Variants in SPINT2 observed in about 807,000 individuals in gnomAD.
The protein encoded by SPINT2 is serine peptidase inhibitor, Kunitz type 2, also known as kunitz-type protease inhibitor 2.
A neutral mutation model predicts 30.1 loss-of-function variants in SPINT2; 18 were observed. The observed-to-expected ratio is 0.60, with a 90% CI of 0.41 to 0.89. The LOEUF is 0.89. Ranked by LOEUF, SPINT2 falls within the 40% of genes least tolerant of loss-of-function variation. SPINT2 has a pLI of 0.00. For synonymous variants in SPINT2, 139 were observed against 137.9 expected (o/e 1.01, Z -0.05); for missense variants, 276 against 334.3 (o/e 0.83, Z 1.36).
chr19:38,289,622 A>G (rs904750922), intron 4 of SPINT2: 4 of 246,770 alleles, frequency 1.6e-5, no homozygotes, highest in African/African-American at 9.2e-5. Flanking sequence ...TCCCCTCCCC[A>G]GGTGGTGGCA....
rs1312948326 is a variant in SPINT2, at chr19:38,283,677, A to G, written c.157A>G (p.Arg53Gly). The G allele has an allele frequency of 3.1e-6, 5 of 1,614,090 alleles. No individual in the cohort carries two copies. Among genetic ancestry groups the G allele is most frequent in the Non-Finnish European group, 3.4e-6 (4 of 1,180,026 alleles). ...VVGRCRASMPRWWYNVTDGSC... is the reference protein window; with the variant it reads ...VVGRCRASMPGWWYNVTDGSC... ...GGGCAGATGCCGGGCCTCCATGCCT[A>G]GGTGGTGGTACAATGTCACTGACGG... The change falls in exon 2 of 7, where the codon AGG becomes GGG. Residue 53 changes from arginine to glycine, a missense_variant. Transcript: ENST00000301244.
At position 38,273,722 on chromosome 19, in the gene SPINT2, C is replaced by T. The variant is rs560963719; in HGVS notation, c.106+8724C>T. Among the ~76,000 whole-genome samples the T allele has an allele frequency of 1.2e-4, 18 of 152,298 alleles. No individual in the cohort carries two copies. In the South Asian group the frequency reaches 3.7e-3, roughly 32 times the overall value. The stretch of plus-strand genomic sequence containing the variant: ...GACCCGTGTGGTGGTTTGCCATTGT[C>T]TTCCTCCAGGTGAAGATAAGACATC... On this transcript the variant is annotated intron_variant, in intron 1 of 6. Coordinates refer to ENST00000301244, the MANE Select transcript of SPINT2 (RefSeq NM_021102.4).
chr19:38,284,929 T>C (rs1968624088), intron 2 of SPINT2, among the ~76,000 whole-genome samples: 1 of 152,084 alleles, frequency 6.6e-6, no homozygotes, highest in African/African-American at 2.4e-5. Context: ...TTGGCCAAGC[T>C]GGTCTTGAAC....
In SPINT2 at chr19:38,291,934, G is replaced by A. The variant is rs770968777; in HGVS notation, c.687G>A (p.Glu229=). 1.2e-6 allele frequency: 2 copies of A among 1,614,168 alleles called. No homozygotes were observed. The highest frequency in any genetic ancestry group is 1.7e-6 in the Non-Finnish European group (2 of 1,180,022). Residue 229 remains glutamate, a synonymous_variant, in exon 7 of 7, where the codon GAG becomes GAA. Transcript: ENST00000301244. ...TCCGGGTGGCACGGAGGAACCAGGA[G>A]CGTGCCCTGCGCACCGTCTGGAGCT... ...YLIRVARRNQ[E]RALRTVWSSG...
Position 38,264,845 on chromosome 19 carries a change from G to A in SPINT2, c.-48G>A. On this transcript the variant is annotated 5_prime_UTR_variant, in exon 1 of 7. Transcript: ENST00000301244. ...AGGGGCTTCCCGCACCTGATCGCGA[G>A]ACCCCAACGGCTGGTGGCGTCGCCT... 1 of 1,519,630 alleles carries A rather than the reference G, an allele frequency of 6.6e-7. No individual in the cohort carries two copies. The highest frequency in any genetic ancestry group is 8.8e-7 in the Non-Finnish European group (1 of 1,134,664). 94.1% of individuals were successfully genotyped at this position (1,519,630 alleles called of 1,614,324 possible).
chr19:38,265,349 C>T (rs1968365622), intron 1 of SPINT2: 3 of 193,788 alleles, frequency 1.5e-5, no homozygotes, highest in African/African-American at 7.1e-5. Flanking sequence ...GTTCCATGGC[C>T]AAAGCTCAGG....
chr19:38,265,264 T>C (rs1004987080), intron 1 of SPINT2: 37 of 340,924 alleles, frequency 1.1e-4, no homozygotes, highest in Non-Finnish European at 1.9e-4. Context: ...CAAGAAGGCG[T>C]GGCACTGCCC....
At chr19:38,286,526 A>T (rs2072138942) in intron 2 of SPINT2, among the ~76,000 whole-genome samples, 1 of 152,164 alleles carries the variant, frequency 6.6e-6, no homozygotes. Context: ...TCACGCCTGT[A>T]ATCCAGCACT....
At chr19:38,267,635 A>G in intron 1 of SPINT2, among the ~76,000 whole-genome samples, 1 of 138,682 alleles carries the variant, frequency 7.2e-6, no homozygotes, top group African/African-American at 2.6e-5. Flanking sequence ...TCTAGGTGTG[A>G]CCCTGAGAGG....
chr19:38,284,973 C>T (rs1014065857), intron 2 of SPINT2, among the ~76,000 whole-genome samples: 1 of 152,086 alleles, frequency 6.6e-6, no homozygotes, highest in Non-Finnish European at 1.5e-5. Flanking sequence ...GCCTTAACCT[C>T]GCAAAGTGCT....
chr19:38,285,006 G>T (rs969941159), intron 2 of SPINT2, among the ~76,000 whole-genome samples: 2 of 152,086 alleles, frequency 1.3e-5, no homozygotes, highest in Non-Finnish European at 2.9e-5. Flanking sequence ...GTAAGCCACC[G>T]CACCTGGCCG....
intron 1 of SPINT2, among the ~76,000 whole-genome samples, chr19:38,266,414 G>A (rs1968379509): frequency 6.6e-6 from 1 of 151,844 alleles, no homozygotes; most frequent in African/African-American, 2.4e-5. Flanking sequence ...TGTGGCTCAT[G>A]CCTGTAATCC....
At position 38,291,895 on chromosome 19, in the gene SPINT2, C is replaced by T. The variant is rs1332689277; in HGVS notation, c.648C>T (p.Ser216=). 1 of 1,613,792 alleles carries T rather than the reference C, an allele frequency of 6.2e-7. No individual in the cohort carries two copies. The highest frequency in any genetic ancestry group is 1.3e-5 in the African/African-American group (1 of 74,908). ...VMVLILFLGA[S]MVYLIRVARR... ...TGTTGATCCTCTTCCTGGGAGCCTC[C>T]ATGGTCTACCTGATCCGGGTGGCAC... is the stretch of plus-strand genomic sequence containing the variant. Residue 216 remains serine, a synonymous_variant, in exon 7 of 7, where the codon TCC becomes TCT. Coordinates refer to ENST00000301244, the MANE Select transcript of SPINT2 (RefSeq NM_021102.4).
intron 1 of SPINT2, among the ~76,000 whole-genome samples, chr19:38,269,576 T>C (rs912084211): frequency 1.9e-4 from 29 of 151,250 alleles, no homozygotes; most frequent in African/African-American, 7.0e-4. Context: ...CAGCTAATTT[T>C]TGTATTTTTA....
rs761214638 is a variant in SPINT2, at chr19:38,290,600, T to TGCCATCAGCCTGCCTCCTCCC, written c.592+26_592+46dup. On this transcript the variant is annotated intron_variant, in intron 6 of 6. Transcript: ENST00000301244. The surrounding 1 kb of genome is among the most constrained non-coding windows in gnomAD (Gnocchi z 4.3). ...GGTAAGTGGCCCCTTACCCTCCTCC[T>TGCCATCAGCCTGCCTCCTCCC]GCCATCAGCCTGCCTCCTCCCTTCC... The TGCCATCAGCCTGCCTCCTCCC allele has an allele frequency of 1.9e-6, 3 of 1,612,540 alleles. No individual in the cohort carries two copies. The highest frequency in any genetic ancestry group is 1.6e-4 in the Middle Eastern group (1 of 6,062).
intron 2 of SPINT2, among the ~76,000 whole-genome samples, chr19:38,286,607 C>T (rs1397253079): frequency 3.3e-5 from 5 of 152,168 alleles, no homozygotes; most frequent in African/African-American, 1.2e-4. Context: ...GGTGAAACTC[C>T]GTCTCTACTC....
Position 38,264,634 on chromosome 19 carries a change from G to A in SPINT2, c.-259G>A, listed in dbSNP as rs1008680910. On this transcript the variant is annotated 5_prime_UTR_variant, in exon 1 of 7. Transcript: ENST00000301244. ...GTAGCGCGGCTCTGAACGCGCTGAG[G>A]GCCGTTGAGTGTCGCAGGCGGCGAG... 1 of 507,484 alleles carries A rather than the reference G, an allele frequency of 2.0e-6. No individual in the cohort carries two copies. The highest frequency in any genetic ancestry group is 2.2e-5 in the South Asian group (1 of 44,982). 31.4% of individuals were successfully genotyped at this position (507,484 alleles called of 1,614,324 possible). A position where few individuals can be genotyped will look rare whatever the true frequency, so the allele number is the denominator to read the frequency against.
chr19:38,268,571 A>T (rs576716333), intron 1 of SPINT2, among the ~76,000 whole-genome samples: 6 of 152,288 alleles, frequency 3.9e-5, no homozygotes, highest in African/African-American at 1.4e-4. Context: ...TTCAGGCAGG[A>T]GATATGCCAT....
intron 1 of SPINT2, among the ~76,000 whole-genome samples, chr19:38,281,864 C>A (rs1384155949): frequency 6.6e-6 from 1 of 152,182 alleles, no homozygotes; most frequent in Non-Finnish European, 1.5e-5. Context: ...TCCCCATTCC[C>A]ACCCCCAGTA....
Sources: gnomAD v4.1 joint callset for allele counts (sites outside exome capture counted in the v4.1 genomes callset) on GRCh38, gnomAD v4.1.1 for gene constraint, Gnocchi (gnomAD v3.1) non-coding constraint, MANE v1.5 for transcripts, NCBI Gene and HGNC (gene_info 2026-07-23, HGNC 2026-07-21) for gene names.